GPD1L: variants seen among roughly 807,000 people sequenced by gnomAD.
GPD1L encodes glycerol-3-phosphate dehydrogenase 1 like.
A neutral mutation model predicts 32.9 loss-of-function variants in GPD1L; 17 were observed. That is an observed-to-expected ratio of 0.52 (90% CI 0.35 to 0.78). The LOEUF is 0.78. Ranked by LOEUF, GPD1L falls within the 30% of genes least tolerant of loss-of-function variation. The probability of loss-of-function intolerance (pLI) is 0.01; values close to 1 mark genes in which losing one functional copy is unlikely to be tolerated. For missense variants in GPD1L, 361 were observed against 447.8 expected (o/e 0.81, Z 1.75); for synonymous variants, 187 against 165.9 (o/e 1.13, Z -0.98).
intron 7 of GPD1L, among the ~76,000 whole-genome samples, chr3:32,164,366 C>T (rs962715401): frequency 1.3e-5 from 2 of 152,202 alleles, no homozygotes; most frequent in African/African-American, 4.8e-5. Flanking sequence ...GAGCACCTGC[C>T]CCTTGCCGTG....
At chr3:32,129,247 A>C (rs1028880757) in intron 2 of GPD1L, among the ~76,000 whole-genome samples, 6 of 151,982 alleles carry the variant, frequency 3.9e-5, no homozygotes, top group African/African-American at 1.5e-4. Flanking sequence ...GCATATATTC[A>C]CTCACCAAAC....
At chr3:32,154,909 A>G (rs559019574) in intron 5 of GPD1L, among the ~76,000 whole-genome samples, 1 of 152,076 alleles carries the variant, frequency 6.6e-6, no homozygotes. Context: ...CACCATGCCC[A>G]GCTAATTTTT....
At chr3:32,127,766 T>G (rs1700531957) in intron 1 of GPD1L, among the ~76,000 whole-genome samples, 1 of 152,224 alleles carries the variant, frequency 6.6e-6, no homozygotes, top group Admixed American at 6.5e-5. Flanking sequence ...AGGGTCATTT[T>G]CATGCTTTGG....
intron 5 of GPD1L, among the ~76,000 whole-genome samples, chr3:32,156,297 G>A (rs1700988130): frequency 6.6e-6 from 1 of 152,202 alleles, no homozygotes; most frequent in Non-Finnish European, 1.5e-5. Flanking sequence ...CAGGCAAGTT[G>A]GTACCTTACG....
chr3:32,140,341 A>C lies in GPD1L; in HGVS notation c.480A>C (p.Ala160=), dbSNP rs1321054363. The part of the protein sequence containing the change: ...MGANIANEVA[A]EKFCETTIGS... ...CCAACATTGCCAATGAGGTGGCTGC[A>C]GAGAAGTTCTGTGAGACCACCATCG... Residue 160 remains alanine (A), a synonymous_variant, in exon 4 of 8, where the codon GCA becomes GCC. Coordinates refer to ENST00000282541, the MANE Select transcript of GPD1L (RefSeq NM_015141.4). The C allele has an allele frequency of 6.2e-6, 10 of 1,614,072 alleles. No homozygotes were observed. Among genetic ancestry groups the C allele is most frequent in the Admixed American group, 1.7e-5 (1 of 60,008 alleles).
rs557211491 is a variant in GPD1L at position 32,158,787 on chromosome 3, C to G, written c.619-89C>G. ...AGATGGAGCCAATGTCCCTGGTCTGCCCCTGCCTCGGCATCCCCCACCACC... is the reference window on the plus strand; with the variant it reads ...AGATGGAGCCAATGTCCCTGGTCTGGCCCTGCCTCGGCATCCCCCACCACC... On this transcript the variant is annotated intron_variant, in intron 5 of 7. Transcript: ENST00000282541. The G allele has an allele frequency of 4.3e-4, 669 of 1,553,956 alleles. 3 individuals are homozygous for G. In the South Asian group the frequency reaches 7.4e-3, roughly 17 times the overall value.
chr3:32,164,761 G>A (rs1044073607), intron 7 of GPD1L, among the ~76,000 whole-genome samples: 4 of 151,242 alleles, frequency 2.6e-5, no homozygotes, highest in Admixed American at 6.6e-5. Flanking sequence ...ACCCTACAAC[G>A]ATAGACTCTC....
chr3:32,140,439 A>C lies in GPD1L; in HGVS notation c.505+73A>C, dbSNP rs1489216886. On this transcript the variant is annotated intron_variant, in intron 4 of 7. Coordinates refer to ENST00000282541, the MANE Select transcript of GPD1L (RefSeq NM_015141.4). The stretch of plus-strand genomic sequence containing the variant: ...TGAACATGTACATATTCCATTTCTG[A>C]TATTTTCTGTAATAGACTCTTCCCT... 6 of 1,524,686 alleles carry C rather than the reference A, an allele frequency of 3.9e-6. No individual in the cohort carries two copies. The East Asian group carries it at 1.3e-4, about 34-fold the overall frequency. The allele number at this position is 1,524,686 out of a possible 1,614,324, so 94.4% of individuals were successfully genotyped here.
Position 32,121,686 on chromosome 3 carries a change from T to C in GPD1L, c.48-6390T>C, listed in dbSNP as rs991861762. Among the ~76,000 whole-genome samples, 17 of 140,578 alleles carry C rather than the reference T, an allele frequency of 1.2e-4. No individual in the cohort carries two copies. The East Asian group carries it at 2.2e-3, about 18-fold the overall frequency. 92.2% of individuals were successfully genotyped at this position (140,578 alleles called of 152,430 possible). On this transcript the variant is annotated intron_variant, in intron 1 of 7. Coordinates refer to ENST00000282541, the MANE Select transcript of GPD1L (RefSeq NM_015141.4). Reference sequence around the variant, plus strand: ...ATATATATTTCTATGTGTATATTTCTATATATATATTTATATATATATTTC... The same window carrying C: ...ATATATATTTCTATGTGTATATTTCCATATATATATTTATATATATATTTC...
intron 5 of GPD1L, 66 bp from the exon 6 acceptor site, chr3:32,158,810 A>C (rs1575122284): frequency 6.3e-7 from 1 of 1,577,028 alleles, no homozygotes; most frequent in Non-Finnish European, 8.6e-7. Flanking sequence ...ATCCCCCACC[A>C]CCTCTGGCAT....
intron 1 of GPD1L, among the ~76,000 whole-genome samples, chr3:32,112,913 G>C (rs112035695): frequency 6.6e-6 from 1 of 152,134 alleles, no homozygotes; most frequent in South Asian, 2.1e-4. Flanking sequence ...GAGAAAACTT[G>C]CTTAAGTCAA....
At chr3:32,135,336 C>A (rs1700648152) in intron 2 of GPD1L, among the ~76,000 whole-genome samples, 1 of 152,160 alleles carries the variant, frequency 6.6e-6, no homozygotes, top group Admixed American at 6.5e-5. Context: ...CTTGTGAAGG[C>A]CGTGGGAAGA....
intron 2 of GPD1L, among the ~76,000 whole-genome samples, chr3:32,134,924 A>G (rs1274662693): frequency 1.3e-5 from 2 of 152,208 alleles, no homozygotes; most frequent in Admixed American, 6.5e-5. Context: ...ATTGCCACTC[A>G]TATTACTTAA....
intron 3 of GPD1L, 75 bp from the exon 4 acceptor site, chr3:32,140,153 C>A: frequency 6.9e-7 from 1 of 1,459,654 alleles, no homozygotes. Flanking sequence ...AGTTGTGTAG[C>A]CATGGGACAT....
intron 5 of GPD1L, among the ~76,000 whole-genome samples, chr3:32,157,795 C>A (rs1701015747): frequency 6.6e-6 from 1 of 152,096 alleles, no homozygotes; most frequent in African/African-American, 2.4e-5. Flanking sequence ...TGGCTGGGTT[C>A]CCGTAAAACA....
chr3:32,123,713 G>C (rs1379000079), intron 1 of GPD1L, among the ~76,000 whole-genome samples: 2 of 152,034 alleles, frequency 1.3e-5, no homozygotes, highest in Admixed American at 1.3e-4. Flanking sequence ...CAGACAGATA[G>C]ATAGATAGAT....
intron 1 of GPD1L, among the ~76,000 whole-genome samples, chr3:32,121,988 C>T (rs912618298): frequency 6.6e-6 from 1 of 152,068 alleles, no homozygotes; most frequent in African/African-American, 2.4e-5. Context: ...TCAGGCTGGT[C>T]TTGAACTCCT....
At chr3:32,108,772 C>T (rs367993435) in intron 1 of GPD1L, among the ~76,000 whole-genome samples, 48 of 152,350 alleles carry the variant, frequency 3.2e-4, no homozygotes, top group African/African-American at 1.1e-3. Context: ...GAATGTTCTA[C>T]ACAATATTTA....
Position 32,166,191 on chromosome 3 carries a change from T to A in GPD1L, c.*281T>A. The A allele has an allele frequency of 2.1e-6, 1 of 466,224 alleles. No individual in the cohort carries two copies. The highest frequency in any genetic ancestry group is 3.9e-6 in the Non-Finnish European group (1 of 255,258). 28.9% of individuals were successfully genotyped at this position (466,224 alleles called of 1,614,324 possible). Reference sequence around the variant, plus strand: ...TTGATGTCTTTTTTTCAAAATTGCTTATGAAATTTCCACACAATCGTAGCT... The same window carrying A: ...TTGATGTCTTTTTTTCAAAATTGCTAATGAAATTTCCACACAATCGTAGCT... On this transcript the variant is annotated 3_prime_UTR_variant, in exon 8 of 8. Transcript: ENST00000282541.
Sources: gnomAD v4.1 joint callset for allele counts (sites outside exome capture counted in the v4.1 genomes callset) on GRCh38, gnomAD v4.1.1 for gene constraint, MANE v1.5 for transcripts, NCBI Gene and HGNC (gene_info 2026-07-23, HGNC 2026-07-21) for gene names.